RYR3: variants seen among roughly 807,000 people sequenced by gnomAD.
The protein encoded by RYR3 is ryanodine receptor 3.
Under a neutral mutation model 584.3 loss-of-function variants are expected in RYR3, and 207 were observed. That is an observed-to-expected ratio of 0.35 (90% CI 0.32 to 0.40). RYR3 has a LOEUF of 0.40. RYR3 is among the 10% of genes least tolerant of loss of function. RYR3 has a pLI of 1.00. For missense variants in RYR3, 5,616 were observed against 6,089.2 expected (o/e 0.92, Z 2.59); for synonymous variants, 2,416 against 2,248.5 (o/e 1.07, Z -2.11).
intron 1 of RYR3, among the ~76,000 whole-genome samples, chr15:33,409,488 C>T (rs2043256007): frequency 6.6e-6 from 1 of 152,162 alleles, no homozygotes; most frequent in African/African-American, 2.4e-5. Context: ...AGCTCTATCT[C>T]TTCACCTCAG....
chr15:33,776,969 G>A (rs757767587), intron 64 of RYR3, among the ~76,000 whole-genome samples: 2 of 152,182 alleles, frequency 1.3e-5, no homozygotes, highest in African/African-American at 2.4e-5. Context: ...TACTGTATGA[G>A]GCAGTGAGAA....
Position 33,746,075 on chromosome 15 carries a change from G to A in RYR3, c.7907G>A (p.Ser2636Asn), listed in dbSNP as rs1176675425. 1 of 1,592,562 alleles carries A rather than the reference G, an allele frequency of 6.3e-7. No homozygotes were observed. The highest frequency in any genetic ancestry group is 8.6e-7 in the Non-Finnish European group (1 of 1,168,538). ...HDKWACDKSQ[S>N]GWKYGISLDE... ...CTGAGAACATTTCTACAGAGTCAGA[G>A]TGGATGGAAATATGGGATTTCCCTG... The change falls in exon 53 of 104, where the codon AGT (serine) becomes AAT (asparagine). Residue 2636 changes from serine (S) to asparagine (N), a missense_variant. Ser to Asn is a conservative substitution (Grantham distance 46). This residue lies in a region of RYR3 where 1,280 missense variants were observed against 1,426.2 expected (regional missense o/e 0.90). Transcript: ENST00000634891.
chr15:33,770,363 G>T (rs1179320623), intron 62 of RYR3, among the ~76,000 whole-genome samples: 1 of 152,058 alleles, frequency 6.6e-6, no homozygotes, highest in Non-Finnish European at 1.5e-5. Flanking sequence ...CCAGTTTTTT[G>T]TTTGTTTGTT....
chr15:33,502,345 T>G (rs1051885409), intron 2 of RYR3, among the ~76,000 whole-genome samples: 2 of 152,174 alleles, frequency 1.3e-5, no homozygotes, highest in African/African-American at 4.8e-5. Context: ...TGTCGGAGCC[T>G]TAGTAACAGA....
intron 1 of RYR3, among the ~76,000 whole-genome samples, chr15:33,337,056 CAAAAAAAAAA>C (rs71117134): frequency 2.0e-5 from 1 of 48,978 alleles, no homozygotes; most frequent in African/African-American, 8.8e-5. Flanking sequence ...GACTCCGTCT[CAAAAAAAAAA>C]AAAAAAAAAA....
chr15:33,482,650 G>A (rs533329515), intron 2 of RYR3, among the ~76,000 whole-genome samples: 3 of 152,148 alleles, frequency 2.0e-5, no homozygotes, highest in South Asian at 2.1e-4. Context: ...AACTCCTGAC[G>A]TTAAGTGCTC....
At chr15:33,621,841 T>C (rs1005921607) in intron 19 of RYR3, among the ~76,000 whole-genome samples, 4 of 152,206 alleles carry the variant, frequency 2.6e-5, no homozygotes, top group Non-Finnish European at 4.4e-5. Context: ...ATCACAATTA[T>C]GCAGCCAACA....
At chr15:33,384,704 A>G (rs2041465372) in intron 1 of RYR3, among the ~76,000 whole-genome samples, 1 of 151,428 alleles carries the variant, frequency 6.6e-6, no homozygotes, top group Non-Finnish European at 1.5e-5. Context: ...AAATATCTAA[A>G]CTCTACTCTC....
At position 33,854,000 on chromosome 15, in the gene RYR3, T is replaced by G. The variant is rs180761416; in HGVS notation, c.13799+318T>G. 1.7e-3 allele frequency among the ~76,000 whole-genome samples: 260 copies of G among 152,224 alleles called. 1 individual carries two copies. Among genetic ancestry groups the G allele is most frequent in the African/African-American group, 5.8e-3 (242 of 41,538 alleles). On this transcript the variant is annotated intron_variant, in intron 96 of 103. Coordinates refer to ENST00000634891, the MANE Select transcript of RYR3 (RefSeq NM_001036.6). ...TGAGGTCAGGAGTTCGATACCAGCC[T>G]GGCCAACATAGTGAAACCCCGTCTC...
intron 34 of RYR3, among the ~76,000 whole-genome samples, chr15:33,660,684 A>C (rs1275339373): frequency 6.6e-6 from 1 of 152,208 alleles, no homozygotes; most frequent in Non-Finnish European, 1.5e-5. Flanking sequence ...CATGCCTTAA[A>C]TTAAAAACTA....
intron 53 of RYR3, 83 bp from the exon 54 acceptor site, chr15:33,748,031 G>C: frequency 7.5e-7 from 1 of 1,337,006 alleles, no homozygotes; most frequent in Non-Finnish European, 1.1e-6. Context: ...ACCCACAGTG[G>C]GATGCACCTT....
chr15:33,662,746 A>G lies in RYR3; in HGVS notation c.5216A>G (p.Asp1739Gly). The G allele has an allele frequency of 1.9e-6, 3 of 1,613,868 alleles. No individual in the cohort carries two copies. The highest frequency in any genetic ancestry group is 2.5e-6 in the Non-Finnish European group (3 of 1,179,800). ...ACCCTGCTGGTCATGGGCGTGTTTG[A>G]TGATGATGATGTTCGGCAGATCCTC... ...IGTLLVMGVF[D>G]DDDVRQILLL... The change falls in exon 35 of 104, where the codon GAT becomes GGT. Residue 1739 changes from aspartate to glycine, a missense_variant. Coordinates refer to ENST00000634891, the MANE Select transcript of RYR3 (RefSeq NM_001036.6).
In RYR3 at chr15:33,633,118, T is replaced by A. The variant is rs1440368089; in HGVS notation, c.3027+10T>A. ...CTATGGCATCCAACAGGTAAGAAAT[T>A]CTGGGTCAGGCATGCTGGAAAACTT... On this transcript the variant is annotated intron_variant, in intron 24 of 103. Transcript: ENST00000634891. The A allele has an allele frequency of 6.2e-7, 1 of 1,611,002 alleles. No homozygotes were observed. The highest frequency in any genetic ancestry group is 1.3e-5 in the African/African-American group (1 of 74,822).
At chr15:33,822,738 C>T (rs971968064) in intron 80 of RYR3, among the ~76,000 whole-genome samples, 6 of 152,228 alleles carry the variant, frequency 3.9e-5, no homozygotes, top group African/African-American at 9.6e-5. Context: ...CTTCGTGATA[C>T]ATTACTATAT....
intron 2 of RYR3, among the ~76,000 whole-genome samples, chr15:33,474,530 C>G (rs2049204962): frequency 6.6e-6 from 1 of 152,122 alleles, no homozygotes; most frequent in Non-Finnish European, 1.5e-5. Context: ...ATAGCCTTTT[C>G]TTAAAGTTAA....
chr15:33,480,206 T>C (rs2049832603), intron 2 of RYR3, among the ~76,000 whole-genome samples: 1 of 152,224 alleles, frequency 6.6e-6, no homozygotes, highest in Admixed American at 6.5e-5. Flanking sequence ...CTTAATAAAC[T>C]TGACCCTGGA....
At chr15:33,326,665 G>A (rs990185616) in intron 1 of RYR3, among the ~76,000 whole-genome samples, 3 of 152,128 alleles carry the variant, frequency 2.0e-5, no homozygotes, top group Admixed American at 1.3e-4. Context: ...TATGTGACAT[G>A]TTCAGGGAAC....
At chr15:33,393,058 G>A (rs938467853) in intron 1 of RYR3, among the ~76,000 whole-genome samples, 3 of 152,182 alleles carry the variant, frequency 2.0e-5, no homozygotes, top group Admixed American at 1.3e-4. Flanking sequence ...CTGAATGAAT[G>A]GCTGCTACCA....
chr15:33,692,500 A>G (rs879580197), intron 38 of RYR3, among the ~76,000 whole-genome samples: 1 of 152,084 alleles, frequency 6.6e-6, no homozygotes, highest in Non-Finnish European at 1.5e-5. Context: ...TGGTCTCACA[A>G]TTTGAAACAT....
Sources: gnomAD v4.1 joint callset for allele counts (sites outside exome capture counted in the v4.1 genomes callset) on GRCh38, gnomAD v4.1.1 for gene constraint, gnomAD v4.1.1 regional missense constraint, MANE v1.5 for transcripts, NCBI Gene and HGNC (gene_info 2026-07-23, HGNC 2026-07-21) for gene names.